Variants in SEMA6A observed in about 807,000 individuals in gnomAD.
SEMA6A encodes the protein semaphorin 6A.
In SEMA6A, 25 loss-of-function variants were observed where a neutral mutation model predicts 96.8. That is an observed-to-expected ratio of 0.26 (90% CI 0.19 to 0.36). The LOEUF is 0.36. Among genes scored for constraint, SEMA6A ranks in the 10% least tolerant of loss-of-function variants. The probability of loss-of-function intolerance (pLI) is 1.00; values close to 1 mark genes in which losing one functional copy is unlikely to be tolerated. For missense variants in SEMA6A, 1,363 were observed against 1,323.1 expected (o/e 1.03, Z -0.47); for synonymous variants, 612 against 518.0 (o/e 1.18, Z -2.46).
Position 116,447,506 on chromosome 5 carries a change from T to G in SEMA6A, c.2200A>C (p.Thr734Pro). Reference sequence around the variant, plus strand: ...AGCATCTTGGCCGTGTTGCCGGGAGTGGCGAGCTTGCCGTTGTGCATGAGT... The same window carrying G: ...AGCATCTTGGCCGTGTTGCCGGGAGGGGCGAGCTTGCCGTTGTGCATGAGT... The part of the protein sequence containing the change: ...TPLMHNGKLA[T>P]PGNTAKMLIK... Residue 734 changes from threonine (T) to proline (P), a missense_variant, in exon 19 of 19, where the codon ACT (threonine) becomes CCT (proline). Coordinates refer to ENST00000343348, the MANE Select transcript of SEMA6A (RefSeq NM_020796.5). 6.2e-7 allele frequency: 1 copy of G among 1,613,986 alleles called. No individual in the cohort carries two copies. Among genetic ancestry groups the G allele is most frequent in the Non-Finnish European group, 8.5e-7 (1 of 1,179,894 alleles).
At chr5:116,495,619 C>G in intron 5 of SEMA6A, 105 bp from the exon 6 acceptor site, 1 of 733,560 alleles carries the variant, frequency 1.4e-6, no homozygotes, top group Non-Finnish European at 2.3e-6. Flanking sequence ...GTGGAGGTGG[C>G]TGAGGACTTC....
rs1757597782 is a variant in SEMA6A, at chr5:116,496,297, G to C, written c.296C>G (p.Ser99Cys). Reference protein sequence around the residue: ...IYCSKKLTWKSRQADVDTCRM... With the variant: ...IYCSKKLTWKCRQADVDTCRM... ...GCATGTGTCTACATCGGCCTGTCTA[G>C]ATTTCCATGTCAGTTTCTGCAGGGA... The change falls in exon 5 of 19, where the codon TCT (serine) becomes TGT (cysteine). Residue 99 changes from serine to cysteine, a missense_variant. Ser to Cys is a moderately radical substitution (Grantham distance 112). Around this residue, in one of 2 missense-constraint regions of SEMA6A, gnomAD observed 480 missense variants for 559.5 expected, o/e 0.86. Transcript: ENST00000343348. 1 of 1,613,552 alleles carries C rather than the reference G, an allele frequency of 6.2e-7. No individual in the cohort carries two copies. Among genetic ancestry groups the C allele is most frequent in the South Asian group, 1.1e-5 (1 of 91,064 alleles).
At chr5:116,485,662 T>C (rs769056305) in intron 10 of SEMA6A, among the ~76,000 whole-genome samples, 3 of 152,244 alleles carry the variant, frequency 2.0e-5, no homozygotes, top group Non-Finnish European at 4.4e-5. Flanking sequence ...TTTATCATTT[T>C]GGTGCCTGTC....
At chr5:116,520,612 T>A (rs1009025445) in intron 1 of SEMA6A, among the ~76,000 whole-genome samples, 3 of 152,050 alleles carry the variant, frequency 2.0e-5, no homozygotes, top group Non-Finnish European at 4.4e-5. Context: ...AGACCTAAGA[T>A]CAATGGGTAG....
intron 1 of SEMA6A, among the ~76,000 whole-genome samples, chr5:116,565,447 T>A (rs1460607620): frequency 6.6e-6 from 1 of 152,186 alleles, no homozygotes; most frequent in Non-Finnish European, 1.5e-5. Context: ...AGCGACAGTG[T>A]CTAGCTAGGG....
chr5:116,444,832 G>A lies in SEMA6A; in HGVS notation c.*1781C>T, dbSNP rs1754086622. On this transcript the variant is annotated 3_prime_UTR_variant, in exon 19 of 19. Transcript: ENST00000343348. ...ACTGCACGTGTGTGCTGTGCACATG[G>A]CTTGGAGACTCCTCCCAGGTGTCTG... The A allele has an allele frequency of 1.3e-5, 2 of 152,404 alleles. No homozygotes were observed. Among genetic ancestry groups the A allele is most frequent in the South Asian group, 2.1e-4 (1 of 4,830 alleles). 9.4% of individuals were successfully genotyped at this position (152,404 alleles called of 1,614,324 possible). A position where few individuals can be genotyped will look rare whatever the true frequency, so the allele number is the denominator to read the frequency against.
rs1451603804 is a variant in SEMA6A, at chr5:116,480,101, C to A, written c.1250+21G>T. 6 of 1,612,646 alleles carry A rather than the reference C, an allele frequency of 3.7e-6. No individual in the cohort carries two copies. The East Asian group carries it at 1.3e-4, about 36-fold the overall frequency. ...GATGAAGTTAGGAAATCCATCAGGA[C>A]ACGGTTTGTTTGACACCCACCTGAC... is the stretch of plus-strand genomic sequence containing the variant. On this transcript the variant is annotated intron_variant, in intron 12 of 18. Coordinates refer to ENST00000343348, the MANE Select transcript of SEMA6A (RefSeq NM_020796.5).
At chr5:116,513,686 G>A (rs755347780) in intron 1 of SEMA6A, among the ~76,000 whole-genome samples, 7 of 151,002 alleles carry the variant, frequency 4.6e-5, no homozygotes, top group Admixed American at 6.6e-5. Context: ...ATAGGTAAGC[G>A]TGTGTCATGG....
chr5:116,565,208 T>A (rs1163667443), intron 1 of SEMA6A, among the ~76,000 whole-genome samples: 2 of 152,176 alleles, frequency 1.3e-5, no homozygotes, highest in Admixed American at 6.5e-5. Flanking sequence ...GATGTGCACA[T>A]AACAAGGTCC....
chr5:116,480,164 G>A lies in SEMA6A; in HGVS notation c.1208C>T (p.Pro403Leu). ...GAACCATGGCCTGTTGAAGATGGAG[G>A]GCACTGCCTCATCCATGAGCGGGTG... ...KTHPLMDEAV[P>L]SIFNRPWFLR... The change falls in exon 12 of 19, where the codon CCC becomes CTC. Residue 403 changes from proline to leucine, a missense_variant. Pro to Leu is a moderately conservative substitution (Grantham distance 98). Transcript: ENST00000343348. 6.2e-7 allele frequency: 1 copy of A among 1,613,794 alleles called. No individual in the cohort carries two copies. Among genetic ancestry groups the A allele is most frequent in the Non-Finnish European group, 8.5e-7 (1 of 1,179,790 alleles).
At chr5:116,462,805 C>T (rs153742) in intron 18 of SEMA6A, among the ~76,000 whole-genome samples, 69,550 of 151,986 alleles carry the variant, frequency 0.46, 16,962 homozygotes, top group Non-Finnish European at 0.55. Flanking sequence ...CTACAGTACA[C>T]AGTCACCTAA....
chr5:116,478,428 A>G (rs1272389646), intron 13 of SEMA6A, 114 bp downstream of exon 13: 3 of 1,165,766 alleles, frequency 2.6e-6, no homozygotes, highest in African/African-American at 3.1e-5. Flanking sequence ...AAACAGCACT[A>G]AAAAGTCATC....
At chr5:116,564,290 C>G (rs930446952) in intron 1 of SEMA6A, among the ~76,000 whole-genome samples, 1 of 152,162 alleles carries the variant, frequency 6.6e-6, no homozygotes, top group African/African-American at 2.4e-5. Context: ...GACTGATTTT[C>G]TAGATTAGTC....
chr5:116,524,585 AG>A (rs1371919813), intron 1 of SEMA6A, among the ~76,000 whole-genome samples: 1 of 151,990 alleles, frequency 6.6e-6, no homozygotes, highest in Admixed American at 6.6e-5. Context: ...AAATATCAAG[AG>A]GGCAGCTGTC....
At chr5:116,483,338 C>T (rs756421385) in intron 10 of SEMA6A, among the ~76,000 whole-genome samples, 4 of 152,108 alleles carry the variant, frequency 2.6e-5, no homozygotes, top group Non-Finnish European at 5.9e-5. Flanking sequence ...TTTGGACCCA[C>T]ATTTGTTTTT....
At chr5:116,525,302 G>C (rs1759172938) in intron 1 of SEMA6A, among the ~76,000 whole-genome samples, 1 of 152,118 alleles carries the variant, frequency 6.6e-6, no homozygotes, top group African/African-American at 2.4e-5. Flanking sequence ...GTAAGGCTCA[G>C]GTTTCTGTGC....
chr5:116,525,336 T>C (rs970722005), intron 1 of SEMA6A, among the ~76,000 whole-genome samples: 3 of 152,156 alleles, frequency 2.0e-5, no homozygotes, highest in African/African-American at 4.8e-5. Flanking sequence ...AATGATGTTT[T>C]CCCTTCGTAC....
Position 116,486,848 on chromosome 5 carries a change from T to A in SEMA6A, c.863A>T (p.Asp288Val). 2 of 1,612,756 alleles carry A rather than the reference T, an allele frequency of 1.2e-6. No individual in the cohort carries two copies. Among genetic ancestry groups the A allele is most frequent in the East Asian group, 2.2e-5 (1 of 44,830 alleles). The change falls in exon 10 of 19, where the codon GAC becomes GTC. Residue 288 changes from aspartate (D) to valine (V), a missense_variant. Transcript: ENST00000343348. ...KARLNCSVPGDSHFYFNILQA... is the reference protein window; with the variant it reads ...KARLNCSVPGVSHFYFNILQA... ...GAGAATGTTGAAATAAAAATGAGAG[T>A]CTCCAGGAACTGAGCAGTTCAAGCG...
At chr5:116,467,881 TAG>T in intron 17 of SEMA6A, 134 bp from the exon 18 acceptor site, 34 of 703,166 alleles carry the variant, frequency 4.8e-5, no homozygotes, top group East Asian at 1.3e-4. Flanking sequence ...TGACACGGCT[TAG>T]TGGTGGTGGT....
Sources: gnomAD v4.1 joint callset for allele counts (sites outside exome capture counted in the v4.1 genomes callset) on GRCh38, gnomAD v4.1.1 for gene constraint, gnomAD v4.1.1 regional missense constraint, MANE v1.5 for transcripts, NCBI Gene and HGNC (gene_info 2026-07-23, HGNC 2026-07-21) for gene names.